The following KNTC1 variants were observed in gnomAD, a reference collection of about 807,000 sequenced individuals.
KNTC1 encodes kinetochore-associated protein 1.
A neutral mutation model predicts 314.4 loss-of-function variants in KNTC1; 253 were observed. The observed-to-expected ratio is 0.80, with a 90% CI of 0.73 to 0.89. The LOEUF (loss-of-function observed/expected upper bound fraction) is 0.89. Ranked by LOEUF, KNTC1 falls within the 40% of genes least tolerant of loss-of-function variation. The probability of loss-of-function intolerance (pLI) is 0.00; values close to 1 mark genes in which losing one functional copy is unlikely to be tolerated. For missense variants in KNTC1, 2,475 were observed against 2,572.9 expected (o/e 0.96, Z 0.82); for synonymous variants, 901 against 901.4 (o/e 1.00, Z 0.01).
chr12:122,574,794 T>G (rs1027837829), intron 27 of KNTC1, among the ~76,000 whole-genome samples: 1 of 152,242 alleles, frequency 6.6e-6, no homozygotes. Flanking sequence ...TGGACAGTTG[T>G]ATGCATATCT....
At chr12:122,580,056 C>G (rs1287314341) in intron 32 of KNTC1, 79 bp downstream of exon 32, 24 of 891,768 alleles carry the variant, frequency 2.7e-5, no homozygotes, top group Non-Finnish European at 3.8e-5. Flanking sequence ...GAAGACAACT[C>G]TCACCGTACC....
intron 24 of KNTC1, among the ~76,000 whole-genome samples, chr12:122,572,608 G>C (rs945538388): frequency 2.0e-5 from 3 of 151,788 alleles, no homozygotes; most frequent in Non-Finnish European, 2.9e-5. Flanking sequence ...TTTATATCTG[G>C]TTATGATATA....
intron 31 of KNTC1, among the ~76,000 whole-genome samples, 164 bp downstream of exon 31, chr12:122,577,955 C>A (rs1181556085): frequency 6.6e-6 from 1 of 151,996 alleles, no homozygotes; most frequent in African/African-American, 2.4e-5. Flanking sequence ...AGAAAAAAAA[C>A]AATTGTGGCT....
chr12:122,581,009 C>T (rs577936366), intron 33 of KNTC1, among the ~76,000 whole-genome samples: 74 of 139,562 alleles, frequency 5.3e-4, no homozygotes, highest in Non-Finnish European at 9.5e-4. Flanking sequence ...GCCTGGGTGA[C>T]AGATCGAGAC....
chr12:122,616,580 G>A (rs1198173479), intron 57 of KNTC1, among the ~76,000 whole-genome samples: 2 of 152,090 alleles, frequency 1.3e-5, no homozygotes, highest in Non-Finnish European at 2.9e-5. Context: ...TGTTTTACAG[G>A]CATGTATGCT....
chr12:122,544,376 CAAG>C (rs1388061596), intron 8 of KNTC1, 107 bp downstream of exon 8: 6 of 599,696 alleles, frequency 1.0e-5, no homozygotes, highest in African/African-American at 7.9e-5. Context: ...ATAACCGAAA[CAAG>C]GAAATTATAA....
chr12:122,604,717 C>G, intron 49 of KNTC1, 80 bp downstream of exon 49: 5 of 1,243,496 alleles, frequency 4.0e-6, no homozygotes, highest in South Asian at 1.3e-5. Context: ...CTCATGCTGC[C>G]CTGGTGCCTA....
intron 44 of KNTC1, among the ~76,000 whole-genome samples, chr12:122,600,817 C>A (rs1232192942): frequency 1.3e-5 from 2 of 152,022 alleles, no homozygotes; most frequent in Non-Finnish European, 2.9e-5. Context: ...AGGTGAATGC[C>A]ACCACACCCA....
intron 18 of KNTC1, among the ~76,000 whole-genome samples, chr12:122,559,805 C>A (rs1963859049): frequency 6.6e-6 from 1 of 152,172 alleles, no homozygotes; most frequent in Non-Finnish European, 1.5e-5. Context: ...GAACTCCTGA[C>A]CTCAAATGAT....
At chr12:122,533,983 C>A (rs1398818819) in intron 2 of KNTC1, among the ~76,000 whole-genome samples, 1 of 152,222 alleles carries the variant, frequency 6.6e-6, no homozygotes, top group South Asian at 2.1e-4. Flanking sequence ...CCTAAGATCA[C>A]TTAGCTAGTA....
rs373948012 is a variant in KNTC1, at chr12:122,602,990, A to G, written c.4885-37A>G. On this transcript the variant is annotated intron_variant, in intron 47 of 63. Coordinates refer to ENST00000333479, the MANE Select transcript of KNTC1 (RefSeq NM_014708.6). The stretch of plus-strand genomic sequence containing the variant: ...CTTTCATGTAAAACCTTATATGTGA[A>G]TATGTGCTTCAGCCATAACCTTCCT... The G allele has an allele frequency of 1.0e-4, 165 of 1,583,576 alleles. No individual in the cohort carries two copies. In the Middle Eastern group the frequency reaches 1.2e-3, roughly 11 times the overall value.
chr12:122,604,574 G>A lies in KNTC1; in HGVS notation c.5112G>A (p.Lys1704=), dbSNP rs200369945. 2.8e-5 allele frequency: 42 copies of A among 1,512,254 alleles called. No individual in the cohort carries two copies. In the African/African-American group the frequency reaches 4.2e-4, roughly 15 times the overall value. 93.7% of individuals were successfully genotyped at this position (1,512,254 alleles called of 1,614,324 possible). The change falls in exon 49 of 64, where the codon AAG becomes AAA. Residue 1704 remains lysine (K), a synonymous_variant. Coordinates refer to ENST00000333479, the MANE Select transcript of KNTC1 (RefSeq NM_014708.6). ...LAQDIPEGSF[K]ISALKFCLYL... ...ATTTATTTATTTTAGGTTCCTTCAA[G>A]ATATCTGCTTTGAAATTCTGCCTTT...
chr12:122,618,461 G>GT (rs139890796), intron 58 of KNTC1, 21 bp from the exon 59 acceptor site: 328,194 of 1,520,010 alleles, frequency 0.22, 10,181 homozygotes, highest in East Asian at 0.37. Flanking sequence ...TATCATGGTT[G>GT]TTTTTTTGTT....
chr12:122,596,292 A>G (rs1431337946), intron 43 of KNTC1, among the ~76,000 whole-genome samples: 1 of 151,862 alleles, frequency 6.6e-6, no homozygotes, highest in Non-Finnish European at 1.5e-5. Flanking sequence ...CATGTTACCT[A>G]GGCTGGTCTT....
In KNTC1 at chr12:122,602,742, T is replaced by G; in HGVS notation, c.4825+2T>G. ...CACAGAACTTCTGGAAAATTCTCTG[T>G]ATGTGTTCATTAACTTTTTATGAAT... is the stretch of plus-strand genomic sequence containing the variant. On this transcript the variant is annotated splice_donor_variant, in intron 46 of 63. Transcript: ENST00000333479. LOFTEE classifies it high-confidence loss of function. 6.2e-7 allele frequency: 1 copy of G among 1,613,388 alleles called. No individual in the cohort carries two copies. Among genetic ancestry groups the G allele is most frequent in the Admixed American group, 1.7e-5 (1 of 59,956 alleles).
intron 45 of KNTC1, among the ~76,000 whole-genome samples, chr12:122,602,216 A>G (rs150487723): frequency 1.8e-4 from 28 of 152,190 alleles, no homozygotes; most frequent in African/African-American, 6.7e-4. Context: ...TAGGAAAGAT[A>G]AGAGCGTAGA....
chr12:122,549,368 T>C (rs2137763606), intron 12 of KNTC1, among the ~76,000 whole-genome samples: 1 of 151,752 alleles, frequency 6.6e-6, no homozygotes, highest in Non-Finnish European at 1.5e-5. Flanking sequence ...TTTTTATTTT[T>C]TGAGACAGTG....
chr12:122,553,050 G>A (rs557480065), intron 16 of KNTC1, among the ~76,000 whole-genome samples: 4 of 152,092 alleles, frequency 2.6e-5, no homozygotes, highest in Non-Finnish European at 1.5e-5. Flanking sequence ...CCACCTACTC[G>A]GGAGGCTGAA....
intron 13 of KNTC1, among the ~76,000 whole-genome samples, chr12:122,550,735 T>C: frequency 6.6e-6 from 1 of 152,150 alleles, no homozygotes; most frequent in East Asian, 1.9e-4. Context: ...GCTCCTGAGC[T>C]CAAGTGAGCT....
Sources: gnomAD v4.1 joint callset for allele counts (sites outside exome capture counted in the v4.1 genomes callset) on GRCh38, gnomAD v4.1.1 for gene constraint, MANE v1.5 for transcripts, NCBI Gene and HGNC (gene_info 2026-07-23, HGNC 2026-07-21) for gene names.